ENPP1: variants seen among roughly 807,000 people sequenced by gnomAD.
The protein encoded by ENPP1 is ectonucleotide pyrophosphatase/phosphodiesterase family member 1.
A neutral mutation model predicts 122.8 loss-of-function variants in ENPP1; 73 were observed. That is an observed-to-expected ratio of 0.59 (90% confidence interval 0.49 to 0.72). ENPP1 has a LOEUF of 0.72. Among genes scored for constraint, ENPP1 ranks in the 30% least tolerant of loss-of-function variants. The probability of loss-of-function intolerance (pLI) is 0.00; values close to 1 mark genes in which losing one functional copy is unlikely to be tolerated. For synonymous variants in ENPP1, 367 were observed against 391.6 expected, an observed-to-expected ratio of 0.94 and a Z score of 0.74; for missense variants, 978 against 1,128.1, an observed-to-expected ratio of 0.87 and a Z score of 1.91.
At chr6:131,818,868 G>A (rs1220219898) in intron 1 of ENPP1, among the ~76,000 whole-genome samples, 6 of 152,222 alleles carry the variant, frequency 3.9e-5, no homozygotes, top group South Asian at 2.1e-4. Context: ...TGAAAGAACT[G>A]ACAAGCTTTT....
At chr6:131,883,851 C>T (rs1782343648) in intron 22 of ENPP1, 77 bp downstream of exon 22, 1 of 772,556 alleles carries the variant, frequency 1.3e-6, no homozygotes. Context: ...TGTAATAGGA[C>T]TTATGGTCTA....
intron 20 of ENPP1, among the ~76,000 whole-genome samples, chr6:131,881,115 A>G (rs1782299641): frequency 6.6e-6 from 1 of 152,228 alleles, no homozygotes; most frequent in African/African-American, 2.4e-5. Flanking sequence ...TTGAGAGAGC[A>G]TAGTGGAGGG....
In ENPP1 at chr6:131,882,419, A is replaced by G. The variant is rs1252825233; in HGVS notation, c.2175A>G (p.Lys725=). Reference sequence around the variant, plus strand: ...GAATTCCTCTTAGTCCTGTCCATAAATGTTCATTTTATAAAAATAACACCA... The same window carrying G: ...GAATTCCTCTTAGTCCTGTCCATAAGTGTTCATTTTATAAAAATAACACCA... ...DFRIPLSPVH[K]CSFYKNNTKV... Residue 725 remains lysine, a synonymous_variant, in exon 21 of 25, where the codon AAA becomes AAG. Coordinates refer to ENST00000647893, the MANE Select transcript of ENPP1 (RefSeq NM_006208.3). 1.2e-6 allele frequency: 2 copies of G among 1,609,114 alleles called. No homozygotes were observed. The highest frequency in any genetic ancestry group is 1.7e-6 in the Non-Finnish European group (2 of 1,176,668).
At position 131,817,675 on chromosome 6, in the gene ENPP1, G is replaced by A. The variant is rs1781430393; in HGVS notation, c.240+9400G>A. 2.0e-5 allele frequency among the ~76,000 whole-genome samples: 3 copies of A among 151,520 alleles called. No homozygotes were observed. In the South Asian group the frequency reaches 6.3e-4, roughly 32 times the overall value. On this transcript the variant is annotated intron_variant, in intron 1 of 24. Transcript: ENST00000647893. Reference sequence around the variant, plus strand: ...TGAGGCCATAATTTAAGATCAGCCTGGGCAATATAATGAAACCCCATGTCT... The same window carrying A: ...TGAGGCCATAATTTAAGATCAGCCTAGGCAATATAATGAAACCCCATGTCT...
At chr6:131,845,914 TACAC>T (rs144599690) in intron 1 of ENPP1, among the ~76,000 whole-genome samples, 2 of 152,010 alleles carry the variant, frequency 1.3e-5, no homozygotes, top group African/African-American at 4.8e-5. Flanking sequence ...TTAAGGAATA[TACAC>T]ACACACACAA....
intron 11 of ENPP1, among the ~76,000 whole-genome samples, chr6:131,865,714 C>T (rs529822614): frequency 8.0e-4 from 122 of 152,230 alleles, no homozygotes; most frequent in Non-Finnish European, 1.6e-3. Flanking sequence ...GATCTGAAGG[C>T]TCGGCACCAT....
intron 1 of ENPP1, among the ~76,000 whole-genome samples, chr6:131,810,105 T>C (rs936660271): frequency 1.3e-5 from 2 of 152,204 alleles, no homozygotes; most frequent in Non-Finnish European, 2.9e-5. Context: ...ATACCTATTA[T>C]CTCAGCACTT....
At chr6:131,867,920 T>C in intron 11 of ENPP1, 98 bp from the exon 12 acceptor site, 1 of 860,848 alleles carries the variant, frequency 1.2e-6, no homozygotes, top group Non-Finnish European at 1.9e-6. Flanking sequence ...TCTTTCTTTG[T>C]TTCTTTCTTT....
At chr6:131,842,903 G>A (rs1479606200) in intron 1 of ENPP1, among the ~76,000 whole-genome samples, 1 of 151,968 alleles carries the variant, frequency 6.6e-6, no homozygotes, top group Non-Finnish European at 1.5e-5. Flanking sequence ...TTTTTTTTTA[G>A]TATTTCTTTT....
chr6:131,890,422 G>A lies in ENPP1; in HGVS notation c.2689G>A (p.Gly897Arg). 1 of 1,613,158 alleles carries A rather than the reference G, an allele frequency of 6.2e-7. No homozygotes were observed. The highest frequency in any genetic ancestry group is 8.5e-7 in the Non-Finnish European group (1 of 1,179,126). The stretch of plus-strand genomic sequence containing the variant: ...GATCACAGATGTTGAGCACATCACT[G>A]GACTCAGCTTCTATCAACAAAGAAA... ...ARITDVEHIT[G>R]LSFYQQRKEP... The change falls in exon 25 of 25, where the codon GGA becomes AGA. Residue 897 changes from glycine to arginine, a missense_variant. Physicochemically the swap from Gly to Arg is moderately radical, Grantham distance 125. Around this residue, in one of 3 missense-constraint regions of ENPP1, gnomAD observed 644 missense variants for 781.5 expected, o/e 0.82. Coordinates refer to ENST00000647893, the MANE Select transcript of ENPP1 (RefSeq NM_006208.3).
chr6:131,824,362 A>G (rs910560319), intron 1 of ENPP1, among the ~76,000 whole-genome samples: 2 of 152,148 alleles, frequency 1.3e-5, no homozygotes, highest in Non-Finnish European at 2.9e-5. Flanking sequence ...GGAGGAGGCC[A>G]GGATGGCTGG....
At chr6:131,833,598 A>G (rs1319793310) in intron 1 of ENPP1, among the ~76,000 whole-genome samples, 1 of 152,120 alleles carries the variant, frequency 6.6e-6, no homozygotes, top group Non-Finnish European at 1.5e-5. Flanking sequence ...ATATTTGCTC[A>G]TCTTTTCTTC....
In ENPP1 at chr6:131,873,042, A is replaced by G. The variant is rs1181098362; in HGVS notation, c.1557A>G (p.Gln519=). 6.2e-7 allele frequency: 1 copy of G among 1,613,642 alleles called. No homozygotes were observed. The highest frequency in any genetic ancestry group is 8.5e-7 in the Non-Finnish European group (1 of 1,179,736). Residue 519 remains glutamine, a synonymous_variant, in exon 15 of 25, where the codon CAA becomes CAG. Transcript: ENST00000647893. ...CATTCTATTTGGACCCTCAGTGGCAACTTGCATTGTAAGTTCTGACAGTCT... is the reference window on the plus strand; with the variant it reads ...CATTCTATTTGGACCCTCAGTGGCAGCTTGCATTGTAAGTTCTGACAGTCT... The part of the protein sequence containing the change: ...PLTFYLDPQW[Q]LALNPSERKY...
In ENPP1 at chr6:131,877,141, G is replaced by A. The variant is rs748497938; in HGVS notation, c.1873G>A (p.Gly625Ser). Residue 625 changes from glycine to serine, a missense_variant, in exon 18 of 25, where the codon GGC (glycine) becomes AGC (serine). Gly to Ser is a moderately conservative substitution (Grantham distance 56). Around this residue, in one of 3 missense-constraint regions of ENPP1, gnomAD observed 644 missense variants for 781.5 expected, o/e 0.82. Transcript: ENST00000647893. ...CACAAGAAACCCCAGAGATAACCTT[G>A]GCTGCTCATGTAACCCTTCGGTAAG... ...PFTRNPRDNL[G>S]CSCNPSILPI... 1.2e-6 allele frequency: 2 copies of A among 1,613,844 alleles called. No individual in the cohort carries two copies. The highest frequency in any genetic ancestry group is 1.1e-5 in the South Asian group (1 of 91,060).
chr6:131,814,715 T>C (rs923071905), intron 1 of ENPP1, among the ~76,000 whole-genome samples: 6 of 152,206 alleles, frequency 3.9e-5, no homozygotes, highest in African/African-American at 1.2e-4. Flanking sequence ...AAATTTGTTA[T>C]CTGTCCAGCC....
At chr6:131,843,531 A>G (rs1781767680) in intron 1 of ENPP1, among the ~76,000 whole-genome samples, 1 of 152,080 alleles carries the variant, frequency 6.6e-6, no homozygotes, top group East Asian at 1.9e-4. Flanking sequence ...CTGTCCATCT[A>G]GTTCTTCTAC....
chr6:131,813,622 C>T (rs867516240), intron 1 of ENPP1, among the ~76,000 whole-genome samples: 1 of 152,004 alleles, frequency 6.6e-6, no homozygotes, highest in African/African-American at 2.4e-5. Context: ...CCTTGCATAC[C>T]CTTAAGGTCT....
chr6:131,826,433 C>T (rs1781546985), intron 1 of ENPP1: 2 of 922,872 alleles, frequency 2.2e-6, no homozygotes, highest in Admixed American at 1.9e-5. Flanking sequence ...TTAGATAATG[C>T]CCCAGTTTAT....
Position 131,820,248 on chromosome 6 carries a change from A to C in ENPP1, c.240+11973A>C, listed in dbSNP as rs558322009. ...TTAGAAGTATAATGGGATCCTGATA[A>C]GAAAAATTTCGTGAATATATTTACA... On this transcript the variant is annotated intron_variant, in intron 1 of 24. Coordinates refer to ENST00000647893, the MANE Select transcript of ENPP1 (RefSeq NM_006208.3). 1,069 of 175,144 alleles carry C rather than the reference A, an allele frequency of 6.1e-3. 16 individuals carry two copies. The highest frequency in any genetic ancestry group is 0.024 in the African/African-American group (1,004 of 42,022). The allele number at this position is 175,144 out of a possible 1,614,324, so 10.8% of individuals were successfully genotyped here. A position where few individuals can be genotyped will look rare whatever the true frequency, so the allele number is the denominator to read the frequency against.
Sources: allele counts gnomAD v4.1 joint callset (sites outside exome capture counted in the v4.1 genomes callset), GRCh38; gene constraint gnomAD v4.1.1; regional missense constraint gnomAD v4.1.1; transcripts MANE v1.5; gene names NCBI Gene and HGNC (gene_info 2026-07-23, HGNC 2026-07-21).